Variants in RGSL1 observed in about 807,000 individuals in gnomAD.
The protein encoded by RGSL1 is regulator of G protein signaling protein-like.
RGSL1 carries 97 observed loss-of-function variants against 124.7 expected under a neutral mutation model. The observed-to-expected ratio is 0.78, with a 90% CI of 0.66 to 0.92. The LOEUF (loss-of-function observed/expected upper bound fraction) is 0.92. Ranked by LOEUF, RGSL1 falls within the 40% of genes least tolerant of loss-of-function variation. RGSL1 has a pLI of 0.00. For synonymous variants in RGSL1, 424 were observed against 438.1 expected (o/e 0.97, Z 0.40); for missense variants, 1,233 against 1,288.4 (o/e 0.96, Z 0.66).
At chr1:182,517,368 T>G (rs1032494030) in intron 9 of RGSL1, among the ~76,000 whole-genome samples, 9 of 151,792 alleles carry the variant, frequency 5.9e-5, no homozygotes, top group African/African-American at 2.2e-4. Context: ...TTGGGTCAAA[T>G]CTGTTTGGTG....
At chr1:182,547,805 G>T (rs191984342) in intron 15 of RGSL1, among the ~76,000 whole-genome samples, 4 of 152,210 alleles carry the variant, frequency 2.6e-5, no homozygotes, top group African/African-American at 9.6e-5. Flanking sequence ...AGCTTGCAGT[G>T]AGCCGAGATC....
At position 182,533,501 on chromosome 1, in the gene RGSL1, G is replaced by A. The variant is rs573084993; in HGVS notation, c.2494+710G>A. ...TGCCAGGTGATGGAGATACAGTAGT[G>A]AACAGTAGTGAGCCTGCAGCAGAGG... On this transcript the variant is annotated intron_variant, in intron 14 of 21. Transcript: ENST00000294854. Among the ~76,000 whole-genome samples, 8 of 145,982 alleles carry A rather than the reference G, an allele frequency of 5.5e-5. No individual in the cohort carries two copies. In the South Asian group the frequency reaches 1.7e-3, roughly 31 times the overall value.
intron 4 of RGSL1, among the ~76,000 whole-genome samples, chr1:182,463,102 G>T (rs1388940679): frequency 1.3e-5 from 2 of 151,966 alleles, no homozygotes; most frequent in Non-Finnish European, 2.9e-5. Context: ...GACCATCCTG[G>T]CTAACACGGT....
At position 182,559,559 on chromosome 1, in the gene RGSL1, C is replaced by T. The variant is rs191468502; in HGVS notation, c.*166-720C>T. Among the ~76,000 whole-genome samples, 94 of 152,310 alleles carry T rather than the reference C, an allele frequency of 6.2e-4. 4 individuals are homozygous for T. The highest frequency in any genetic ancestry group is 5.0e-4 in the Non-Finnish European group (34 of 68,024). ...ACACACCCAACACACTCTGCTTCATCCCACACACTGAGAACAAATCTGACC... is the reference window on the plus strand; with the variant it reads ...ACACACCCAACACACTCTGCTTCATTCCACACACTGAGAACAAATCTGACC... On this transcript the variant is annotated intron_variant, in intron 21 of 21. Transcript: ENST00000294854.
chr1:182,557,903 C>T (rs578015735), intron 21 of RGSL1, among the ~76,000 whole-genome samples: 3 of 152,204 alleles, frequency 2.0e-5, no homozygotes, highest in East Asian at 3.9e-4. Context: ...AGAATACAGG[C>T]AGGGTGTATA....
chr1:182,451,143 CAAAAAAA>C (rs569488586), intron 1 of RGSL1, among the ~76,000 whole-genome samples: 4 of 105,076 alleles, frequency 3.8e-5, no homozygotes, highest in African/African-American at 1.1e-4. Flanking sequence ...GAGACTTTGG[CAAAAAAA>C]AAAAAAAAAA....
At chr1:182,560,177 T>A (rs1422829338) in intron 21 of RGSL1, 102 bp from the exon 22 acceptor site, 4 of 152,240 alleles carry the variant, frequency 2.6e-5, no homozygotes, top group African/African-American at 4.8e-5. Context: ...CAATTACAGT[T>A]GTGACGACCA....
At chr1:182,497,267 A>ATG (rs368217283) in intron 9 of RGSL1, among the ~76,000 whole-genome samples, 87 of 148,278 alleles carry the variant, frequency 5.9e-4, no homozygotes, top group African/African-American at 1.8e-3. Flanking sequence ...GACTGTGTGT[A>ATG]TGTGTGTGTG....
intron 14 of RGSL1, among the ~76,000 whole-genome samples, chr1:182,533,088 C>A (rs1659294953): frequency 6.6e-6 from 1 of 152,046 alleles, no homozygotes; most frequent in African/African-American, 2.4e-5. Flanking sequence ...AAATTATTTT[C>A]AAAATTTTTC....
Position 182,474,238 on chromosome 1 carries a change from C to T in RGSL1, c.1127C>T (p.Ala376Val). Residue 376 changes from alanine (A) to valine (V), a missense_variant, in exon 6 of 22, where the codon GCT becomes GTT. Physicochemically the swap from Ala to Val is moderately conservative, Grantham distance 64 (BLOSUM62 0). Coordinates refer to ENST00000294854, the MANE Select transcript of RGSL1 (RefSeq NM_001137669.2). ...SLGYIHLALC[A>V]DACAGNPFRD... ...GGATACATCCACTTGGCCTTGTGTG[C>T]TGATGCCTGTGCAGGGAACCCTTTC... The T allele has an allele frequency of 6.4e-7, 1 of 1,551,894 alleles. No homozygotes were observed.
chr1:182,559,639 A>G (rs1661059436), intron 21 of RGSL1, among the ~76,000 whole-genome samples: 1 of 152,166 alleles, frequency 6.6e-6, no homozygotes, highest in African/African-American at 2.4e-5. Flanking sequence ...TGGTTGGAAA[A>G]GTCTCACTCC....
intron 6 of RGSL1, 137 bp downstream of exon 6, chr1:182,474,679 T>C (rs1410678791): frequency 2.3e-6 from 3 of 1,324,306 alleles, no homozygotes; most frequent in African/African-American, 3.0e-5. Flanking sequence ...AAGAGTTGGT[T>C]GATCTGTTAA....
At chr1:182,455,869 C>T (rs966204240) in intron 2 of RGSL1, among the ~76,000 whole-genome samples, 2 of 152,112 alleles carry the variant, frequency 1.3e-5, no homozygotes, top group African/African-American at 4.8e-5. Context: ...AGAGAGCCAT[C>T]GAAGGATTTG....
chr1:182,488,725 CAAAAAAA>C (rs561296385), intron 7 of RGSL1: 1,902 of 104,872 alleles, frequency 0.018, 41 homozygotes, highest in African/African-American at 0.098. Context: ...GACTCCGTCT[CAAAAAAA>C]AAAAAAAAAA....
intron 14 of RGSL1, among the ~76,000 whole-genome samples, chr1:182,538,364 C>T (rs1295709685): frequency 6.6e-6 from 1 of 151,982 alleles, no homozygotes; most frequent in Non-Finnish European, 1.5e-5. Flanking sequence ...TCCGTCTCTA[C>T]TAACAGTACA....
chr1:182,469,341 T>C (rs1245123935), intron 4 of RGSL1, among the ~76,000 whole-genome samples: 1 of 152,046 alleles, frequency 6.6e-6, no homozygotes, highest in Non-Finnish European at 1.5e-5. Context: ...GATTCAAAAA[T>C]AGGGAAAAGA....
Position 182,535,366 on chromosome 1 carries a change from AGT to A in RGSL1, c.2494+2586_2494+2587del, listed in dbSNP as rs149186061. Among the ~76,000 whole-genome samples, 478 of 152,196 alleles carry A rather than the reference AGT, an allele frequency of 3.1e-3. 6 individuals are homozygous for A. Among genetic ancestry groups the A allele is most frequent in the African/African-American group, 0.011 (455 of 41,520 alleles). On this transcript the variant is annotated intron_variant, in intron 14 of 21. Transcript: ENST00000294854. ...AATCTTACTGATTTTCTTAAGCCAG[AGT>A]GTGTGTGTGTTTGGTATCTGAGAAA...
At chr1:182,452,011 TTGAGAG>T (rs374295208) in intron 1 of RGSL1, among the ~76,000 whole-genome samples, 118 of 149,018 alleles carry the variant, frequency 7.9e-4, no homozygotes, top group African/African-American at 2.3e-3. Flanking sequence ...GTAAGAGAGA[TTGAGAG>T]TGAGAGTGAG....
At chr1:182,489,923 G>C (rs1439238043) in intron 8 of RGSL1, among the ~76,000 whole-genome samples, 2 of 152,122 alleles carry the variant, frequency 1.3e-5, no homozygotes, top group African/African-American at 4.8e-5. Context: ...ATTGAGCATA[G>C]TGCTTTAATT....
Sources: gnomAD v4.1 joint callset for allele counts (sites outside exome capture counted in the v4.1 genomes callset) on GRCh38, gnomAD v4.1.1 for gene constraint, MANE v1.5 for transcripts, NCBI Gene and HGNC (gene_info 2026-07-23, HGNC 2026-07-21) for gene names.